The following SPSB1 variants were observed in gnomAD, a reference collection of about 807,000 sequenced individuals.
SPSB1 encodes the protein SPRY domain-containing SOCS box protein 1.
In SPSB1, 8 loss-of-function variants were observed where a neutral mutation model predicts 21.2. The observed-to-expected ratio is 0.38, with a 90% confidence interval of 0.22 to 0.68. The LOEUF (loss-of-function observed/expected upper bound fraction) is 0.68. Among genes scored for constraint, SPSB1 ranks in the 30% least tolerant of loss-of-function variants. SPSB1 has a pLI of 0.53. For missense variants in SPSB1, 242 were observed against 377.8 expected (o/e 0.64, Z 2.98); for synonymous variants, 169 against 161.7 (o/e 1.05, Z -0.34).
chr1:9,352,234 G>A (rs1640270709), intron 1 of SPSB1, among the ~76,000 whole-genome samples: 1 of 152,228 alleles, frequency 6.6e-6, no homozygotes, highest in Non-Finnish European at 1.5e-5. Flanking sequence ...TGGACAGACA[G>A]ACAGTGGATG....
rs984509422 is a variant in SPSB1 at position 9,348,291 on chromosome 1, C to T, written c.-149-7452C>T. On this transcript the variant is annotated intron_variant, in intron 1 of 2. Coordinates refer to ENST00000328089, the MANE Select transcript of SPSB1 (RefSeq NM_025106.4). This position sits in a 1 kb window ranked among gnomAD's most constrained non-coding sequence, Gnocchi z 4.8. Reference sequence around the variant, plus strand: ...CAGCACTGTCTCGCTCCTGTCTCGGCGGTAGTGCTGTGTCTAGCATCACAT... The same window carrying T: ...CAGCACTGTCTCGCTCCTGTCTCGGTGGTAGTGCTGTGTCTAGCATCACAT... Among the ~76,000 whole-genome samples the T allele has an allele frequency of 2.0e-5, 3 of 152,024 alleles. No individual in the cohort carries two copies. Among genetic ancestry groups the T allele is most frequent in the African/African-American group, 4.8e-5 (2 of 41,390 alleles).
intron 1 of SPSB1, among the ~76,000 whole-genome samples, chr1:9,344,344 C>T (rs1235735583): frequency 3.9e-5 from 6 of 152,144 alleles, no homozygotes; most frequent in Admixed American, 3.9e-4. Context: ...TGGTTGGGAC[C>T]CCACTTTGAG....
chr1:9,315,275 C>T lies in SPSB1; in HGVS notation c.-150+22204C>T, dbSNP rs190618576. On this transcript the variant is annotated intron_variant, in intron 1 of 2. Coordinates refer to ENST00000328089, the MANE Select transcript of SPSB1 (RefSeq NM_025106.4). ...CAGATTCCACTGCGACAAAAGACCCCGTACTGGCTCCAAGGGACACAGCCC... is the reference window on the plus strand; with the variant it reads ...CAGATTCCACTGCGACAAAAGACCCTGTACTGGCTCCAAGGGACACAGCCC... Among the ~76,000 whole-genome samples the T allele has an allele frequency of 2.3e-3, 350 of 152,362 alleles. 1 individual carries two copies. Among genetic ancestry groups the T allele is most frequent in the African/African-American group, 8.1e-3 (336 of 41,586 alleles).
intron 1 of SPSB1, among the ~76,000 whole-genome samples, chr1:9,325,222 A>AC (rs1200612130): frequency 6.1e-3 from 140 of 23,134 alleles, no homozygotes; most frequent in South Asian, 0.018. Context: ...GCCTCCCACC[A>AC]CCACCCCCCC....
intron 1 of SPSB1, among the ~76,000 whole-genome samples, chr1:9,310,356 C>A (rs761621631): frequency 6.6e-6 from 1 of 152,106 alleles, no homozygotes; most frequent in Admixed American, 6.5e-5. Flanking sequence ...GTTCTTGGGG[C>A]GCCTTCCTGG....
rs557779563 is a variant in SPSB1, at chr1:9,298,279, GAATAATTAAAACAGAAA to G, written c.-150+5227_-150+5243del. ...GGTCAAATGAAAAAAAGTCTAACTT[GAATAATTAAAACAGAAA>G]AATAATTAAAACAGAAAATCACAGC... is the stretch of plus-strand genomic sequence containing the variant. On this transcript the variant is annotated intron_variant, in intron 1 of 2. Transcript: ENST00000328089. Among the ~76,000 whole-genome samples, 4 of 152,298 alleles carry G rather than the reference GAATAATTAAAACAGAAA, an allele frequency of 2.6e-5. No individual in the cohort carries two copies. In the East Asian group the frequency reaches 5.8e-4, roughly 22 times the overall value.
In SPSB1 at chr1:9,367,748, A is replaced by G. The variant is rs1456941776; in HGVS notation, c.*173A>G. ...CTCCATGGGACAAGGACCGATTCCA[A>G]CACAGGCTCCTCTTTCCCCCTTCCC... is the stretch of plus-strand genomic sequence containing the variant. On this transcript the variant is annotated 3_prime_UTR_variant, in exon 3 of 3. Transcript: ENST00000328089. This position sits in a 1 kb window ranked among gnomAD's most constrained non-coding sequence, Gnocchi z 5.9. The G allele has an allele frequency of 7.2e-6, 7 of 972,780 alleles. No homozygotes were observed. The African/African-American group carries it at 8.3e-5, about 12-fold the overall frequency. 60.3% of individuals were successfully genotyped at this position (972,780 alleles called of 1,614,324 possible).
chr1:9,364,830 T>TG lies in SPSB1; in HGVS notation c.695-2618_695-2617insG, dbSNP rs1553129330. Among the ~76,000 whole-genome samples, 229 of 151,604 alleles carry TG rather than the reference T, an allele frequency of 1.5e-3. 1 individual carries two copies. The highest frequency in any genetic ancestry group is 5.3e-3 in the African/African-American group (218 of 41,206). On this transcript the variant is annotated intron_variant, in intron 2 of 2. Transcript: ENST00000328089. ...AGTTTTGGGGTTTTTTTGTTGTTGT[T>TG]TTGTTGTTGTTGTTGTCGTTGTTGT...
chr1:9,298,986 C>G (rs1462479757), intron 1 of SPSB1, among the ~76,000 whole-genome samples: 1 of 152,214 alleles, frequency 6.6e-6, no homozygotes, highest in Non-Finnish European at 1.5e-5. Context: ...ATTAGCACCA[C>G]CATCAAGGAC....
At chr1:9,362,434 C>T (rs140129567) in intron 2 of SPSB1, among the ~76,000 whole-genome samples, 285 of 152,388 alleles carry the variant, frequency 1.9e-3, no homozygotes, top group African/African-American at 6.2e-3. Context: ...GGAAAACACA[C>T]ACACATCCTA....
chr1:9,356,064 A>G lies in SPSB1; in HGVS notation c.173A>G (p.Asn58Ser), dbSNP rs772399009. ...YDVQLLHSWN[N>S]NDRSLNVFVK... is the part of the protein sequence containing the mutation. ...GTCCAGCTGCTGCATTCATGGAACAACAACGACCGATCGCTCAATGTCTTT... is the reference window on the plus strand; with the variant it reads ...GTCCAGCTGCTGCATTCATGGAACAGCAACGACCGATCGCTCAATGTCTTT... The change falls in exon 2 of 3, where the codon AAC becomes AGC. Residue 58 changes from asparagine to serine, a missense_variant. Coordinates refer to ENST00000328089, the MANE Select transcript of SPSB1 (RefSeq NM_025106.4). This position sits in a 1 kb window ranked among gnomAD's most constrained non-coding sequence, Gnocchi z 7.4. 1.9e-6 allele frequency: 3 copies of G among 1,613,634 alleles called. No homozygotes were observed. The Admixed American group carries it at 5.0e-5, about 27-fold the overall frequency.
intron 2 of SPSB1, among the ~76,000 whole-genome samples, chr1:9,365,307 A>T (rs2100524435): frequency 1.3e-5 from 2 of 152,138 alleles, no homozygotes; most frequent in Middle Eastern, 6.8e-3. Flanking sequence ...TGTAGCGATG[A>T]GGTCTCCCTA....
At chr1:9,333,129 G>A (rs777869587) in intron 1 of SPSB1, among the ~76,000 whole-genome samples, 5 of 152,174 alleles carry the variant, frequency 3.3e-5, no homozygotes, top group Non-Finnish European at 5.9e-5. Context: ...CCAGAAACAT[G>A]GAACCCACCT....
intron 1 of SPSB1, among the ~76,000 whole-genome samples, chr1:9,319,957 G>A (rs1639688691): frequency 6.6e-6 from 1 of 152,110 alleles, no homozygotes; most frequent in Non-Finnish European, 1.5e-5. Flanking sequence ...CTGGCCACCT[G>A]CAGGCCTGGT....
chr1:9,293,734 A>T lies in SPSB1; in HGVS notation c.-150+663A>T, dbSNP rs1039244374. The stretch of plus-strand genomic sequence containing the variant: ...CCTGGGCCCGCGGGAGGAACCGCGG[A>T]TGGGTCACCGTCCCCGGGCGTGTAC... On this transcript the variant is annotated intron_variant, in intron 1 of 2. Coordinates refer to ENST00000328089, the MANE Select transcript of SPSB1 (RefSeq NM_025106.4). The surrounding 1 kb of genome is among the most constrained non-coding windows in gnomAD (Gnocchi z 5.1). Among the ~76,000 whole-genome samples, 6 of 152,090 alleles carry T rather than the reference A, an allele frequency of 3.9e-5. No individual in the cohort carries two copies. The highest frequency in any genetic ancestry group is 1.4e-4 in the African/African-American group (6 of 41,432).
intron 1 of SPSB1, among the ~76,000 whole-genome samples, chr1:9,355,533 G>A (rs3765960): frequency 0.25 from 38,611 of 152,202 alleles, 5,111 homozygotes; most frequent in Admixed American, 0.33. Flanking sequence ...AGTCGGCCGC[G>A]TGGACAGACA....
At chr1:9,354,748 C>T (rs1281470899) in intron 1 of SPSB1, among the ~76,000 whole-genome samples, 1 of 151,918 alleles carries the variant, frequency 6.6e-6, no homozygotes, top group Non-Finnish European at 1.5e-5. Context: ...TTGCAGTGAG[C>T]CGAGATCACG....
In SPSB1 at chr1:9,368,585, G is replaced by GTTTGAT. The variant is rs1362493286; in HGVS notation, c.*1015_*1020dup. On this transcript the variant is annotated 3_prime_UTR_variant, in exon 3 of 3. Transcript: ENST00000328089. ...GTCTTCTGTGGGTCTTTTGATGTGG[G>GTTTGAT]TTTGATTTTGCTTTTGCTTTTCTAG... is the stretch of plus-strand genomic sequence containing the variant. The GTTTGAT allele has an allele frequency of 2.6e-5, 4 of 152,176 alleles. No homozygotes were observed. The highest frequency in any genetic ancestry group is 4.8e-5 in the African/African-American group (2 of 41,444). The allele number at this position is 152,176 out of a possible 1,614,324, so 9.4% of individuals were successfully genotyped here. A position where few individuals can be genotyped will look rare whatever the true frequency, so the allele number is the denominator to read the frequency against.
chr1:9,328,528 A>G (rs932571332), intron 1 of SPSB1, among the ~76,000 whole-genome samples: 6 of 152,182 alleles, frequency 3.9e-5, no homozygotes, highest in African/African-American at 1.4e-4. Context: ...ATTTCTTTCA[A>G]TGCTTCGTTT....
Sources: gnomAD v4.1 joint callset for allele counts (sites outside exome capture counted in the v4.1 genomes callset) on GRCh38, gnomAD v4.1.1 for gene constraint, Gnocchi (gnomAD v3.1) non-coding constraint, MANE v1.5 for transcripts, NCBI Gene and HGNC (gene_info 2026-07-23, HGNC 2026-07-21) for gene names.